Variants in SREBF2 observed in about 807,000 individuals in gnomAD.
SREBF2 encodes the protein sterol regulatory element-binding protein 2.
A neutral mutation model predicts 113.1 loss-of-function variants in SREBF2; 55 were observed. That is an observed-to-expected ratio of 0.49 (90% CI 0.39 to 0.61). SREBF2 has a LOEUF of 0.61. SREBF2 is among the 20% of genes least tolerant of loss of function. The pLI is 0.00. For synonymous variants in SREBF2, 593 were observed against 605.7 expected (o/e 0.98, Z 0.31); for missense variants, 1,349 against 1,487.4 (o/e 0.91, Z 1.53).
intron 17 of SREBF2, among the ~76,000 whole-genome samples, chr22:41,903,953 G>A (rs1262332582): frequency 6.6e-6 from 1 of 152,204 alleles, no homozygotes; most frequent in Admixed American, 6.5e-5. Flanking sequence ...GTGGAGAAGA[G>A]GGCATGTACC....
intron 1 of SREBF2, among the ~76,000 whole-genome samples, chr22:41,850,865 C>A (rs1484610478): frequency 6.6e-6 from 1 of 151,968 alleles, no homozygotes; most frequent in Non-Finnish European, 1.5e-5. Flanking sequence ...CTCAGCCTCC[C>A]GAGTAGCTCG....
intron 1 of SREBF2, among the ~76,000 whole-genome samples, chr22:41,845,132 T>C (rs1442852868): frequency 6.6e-6 from 1 of 152,002 alleles, no homozygotes; most frequent in East Asian, 1.9e-4. Flanking sequence ...GGTTTCAACA[T>C]GTTGGCCATG....
At chr22:41,878,842 C>A in intron 9 of SREBF2, 1 of 893,210 alleles carries the variant, frequency 1.1e-6, no homozygotes, top group South Asian at 1.4e-5. Flanking sequence ...GATCTGTCAG[C>A]CTTGCTGGGG....
At position 41,891,519 on chromosome 22, in the gene SREBF2, T is replaced by G. The variant is rs562434629; in HGVS notation, c.2209-1598T>G. Reference sequence around the variant, plus strand: ...TCTCCAGGTTCCCCCTGGAGAGAGATAGTCTTCTCTGTCTGTGTCCTCGAG... The same window carrying G: ...TCTCCAGGTTCCCCCTGGAGAGAGAGAGTCTTCTCTGTCTGTGTCCTCGAG... On this transcript the variant is annotated intron_variant, in intron 11 of 18. Coordinates refer to ENST00000361204, the MANE Select transcript of SREBF2 (RefSeq NM_004599.4). The G allele has an allele frequency of 5.3e-5, 8 of 152,326 alleles. No homozygotes were observed. The South Asian group carries it at 6.2e-4, about 12-fold the overall frequency. 9.4% of individuals were successfully genotyped at this position (152,326 alleles called of 1,614,324 possible). A position where few individuals can be genotyped will look rare whatever the true frequency, so the allele number is the denominator to read the frequency against.
At chr22:41,877,885 G>A in intron 8 of SREBF2, 57 bp from the exon 9 acceptor site, 2 of 1,590,278 alleles carry the variant, frequency 1.3e-6, no homozygotes, top group Non-Finnish European at 1.7e-6. Context: ...TCTGTCAGGT[G>A]CCTGGCTGCT....
intron 17 of SREBF2, 104 bp from the exon 18 acceptor site, chr22:41,904,759 G>A: frequency 1.1e-6 from 1 of 884,720 alleles, no homozygotes; most frequent in Admixed American, 2.0e-5. Context: ...GGTGTGGGAA[G>A]GGATGTCATG....
At chr22:41,899,230 C>T in intron 15 of SREBF2, 1 of 1,083,730 alleles carries the variant, frequency 9.2e-7, no homozygotes, top group Non-Finnish European at 1.1e-6. Flanking sequence ...ATCCACTTTC[C>T]TTCCAGCCAC....
At chr22:41,871,898 CAAAA>C (rs34718352) in intron 4 of SREBF2, among the ~76,000 whole-genome samples, 1 of 103,752 alleles carries the variant, frequency 9.6e-6, no homozygotes. Flanking sequence ...GACTGACTCT[CAAAA>C]AAAAAAAAAA....
intron 5 of SREBF2, among the ~76,000 whole-genome samples, 184 bp downstream of exon 5, chr22:41,874,203 T>G (rs989834510): frequency 3.3e-5 from 5 of 152,122 alleles, no homozygotes; most frequent in African/African-American, 4.8e-5. Flanking sequence ...CATAAGGGAC[T>G]GGTGAGGGTT....
At position 41,889,123 on chromosome 22, in the gene SREBF2, C is replaced by T. The variant is rs182438586; in HGVS notation, c.2209-3994C>T. ...TCCCTTAGCCAAAAGAAATACCTAACGGTTCTGGTTTTCGTTTTTTGAAAC... is the reference window on the plus strand; with the variant it reads ...TCCCTTAGCCAAAAGAAATACCTAATGGTTCTGGTTTTCGTTTTTTGAAAC... On this transcript the variant is annotated intron_variant, in intron 11 of 18. Coordinates refer to ENST00000361204, the MANE Select transcript of SREBF2 (RefSeq NM_004599.4). Among the ~76,000 whole-genome samples, 95 of 152,204 alleles carry T rather than the reference C, an allele frequency of 6.2e-4. 3 individuals are homozygous for T. In the East Asian group the frequency reaches 0.015, roughly 24 times the overall value.
At chr22:41,834,966 A>G (rs143844732) in intron 1 of SREBF2, among the ~76,000 whole-genome samples, 69 of 152,088 alleles carry the variant, frequency 4.5e-4, no homozygotes, top group Middle Eastern at 6.8e-3. Flanking sequence ...TCTCCCTCTC[A>G]CTGATCCTGA....
chr22:41,883,907 G>C (rs1330074638), intron 10 of SREBF2, among the ~76,000 whole-genome samples: 1 of 152,226 alleles, frequency 6.6e-6, no homozygotes, highest in Non-Finnish European at 1.5e-5. Context: ...GCAACAGTAT[G>C]AAAGCCTCAC....
intron 2 of SREBF2, among the ~76,000 whole-genome samples, chr22:41,867,651 GAA>G (rs2077096889): frequency 6.6e-6 from 1 of 151,972 alleles, no homozygotes; most frequent in Non-Finnish European, 1.5e-5. Flanking sequence ...CTAAAAAATA[GAA>G]AAAATTAGCC....
intron 9 of SREBF2, 125 bp from the exon 10 acceptor site, chr22:41,880,591 T>A (rs2077235731): frequency 7.9e-6 from 10 of 1,262,060 alleles, no homozygotes; most frequent in Non-Finnish European, 1.0e-5. Context: ...TTCTGAAGTT[T>A]CCCTCGTTTT....
chr22:41,844,913 A>G (rs894802630), intron 1 of SREBF2, among the ~76,000 whole-genome samples: 3 of 150,714 alleles, frequency 2.0e-5, no homozygotes, highest in Admixed American at 6.6e-5. Flanking sequence ...GTGCTATAAA[A>G]TTGAGGCTTG....
intron 7 of SREBF2, among the ~76,000 whole-genome samples, chr22:41,876,194 C>G (rs1339829198): frequency 6.6e-6 from 1 of 152,218 alleles, no homozygotes; most frequent in Admixed American, 6.5e-5. Context: ...GTCAAAGCCC[C>G]TGGCAATGGT....
chr22:41,851,088 T>C (rs2076925446), intron 1 of SREBF2, among the ~76,000 whole-genome samples: 2 of 152,206 alleles, frequency 1.3e-5, no homozygotes, highest in Non-Finnish European at 1.5e-5. Context: ...AGGGTTGATA[T>C]AACGTACTAA....
At chr22:41,904,759 G>C in intron 17 of SREBF2, 104 bp from the exon 18 acceptor site, 1 of 884,720 alleles carries the variant, frequency 1.1e-6, no homozygotes, top group Non-Finnish European at 1.9e-6. Context: ...GGTGTGGGAA[G>C]GGATGTCATG....
intron 16 of SREBF2, among the ~76,000 whole-genome samples, chr22:41,901,594 G>A (rs1329045542): frequency 6.6e-6 from 1 of 152,208 alleles, no homozygotes; most frequent in East Asian, 1.9e-4. Flanking sequence ...CCAGGAGGTA[G>A]AGGTTGCAGT....
Sources: gnomAD v4.1 joint callset for allele counts (sites outside exome capture counted in the v4.1 genomes callset) on GRCh38, gnomAD v4.1.1 for gene constraint, MANE v1.5 for transcripts, NCBI Gene and HGNC (gene_info 2026-07-23, HGNC 2026-07-21) for gene names.